The following HBZ variants were observed in gnomAD, a reference collection of about 807,000 sequenced individuals.
HBZ encodes the protein hemoglobin zeta chain.
In HBZ, 2 loss-of-function variants were observed where a neutral mutation model predicts 5.8. That is an observed-to-expected ratio of 0.34 (90% CI 0.14 to 1.09). The LOEUF (loss-of-function observed/expected upper bound fraction) is 1.09. Among genes scored for constraint, HBZ ranks in the 50% least tolerant of loss-of-function variants. The pLI, the probability that HBZ is intolerant of heterozygous loss-of-function variation, is 0.42. For synonymous variants in HBZ, 39 were observed against 47.4 expected (o/e 0.82, Z 0.73); for missense variants, 47 against 97.8 (o/e 0.48, Z 2.19).
At chr16:153,304 C>G (rs1195409523) in intron 1 of HBZ, among the ~76,000 whole-genome samples, 1 of 150,254 alleles carries the variant, frequency 6.7e-6, no homozygotes, top group Non-Finnish European at 1.5e-5. Context: ...TCTGGGCTCG[C>G]TGAGACCTGG....
Position 154,338 on chromosome 16 carries a change from C to T in HBZ, c.367C>T (p.His123Tyr). ...CCCCGCCGACTTCACGGCCGAGGCC[C>T]ACGCCGCCTGGGACAAGTTCCTATC... ...RFPADFTAEA[H>Y]AAWDKFLSVV... Residue 123 changes from histidine to tyrosine, a missense_variant, in exon 3 of 3, where the codon CAC (histidine) becomes TAC (tyrosine). Coordinates refer to ENST00000252951, the MANE Select transcript of HBZ (RefSeq NM_005332.3). 8.4e-6 allele frequency: 13 copies of T among 1,540,400 alleles called. No individual in the cohort carries two copies. Among genetic ancestry groups the T allele is most frequent in the Non-Finnish European group, 1.1e-5 (13 of 1,141,322 alleles).
In HBZ at chr16:154,194, TC is replaced by T. The variant is rs1567158144; in HGVS notation, c.301-77del. The T allele has an allele frequency of 3.3e-4, 4 of 12,290 alleles. 2 individuals carry two copies. In the African/African-American group the frequency reaches 0.043, roughly 134 times the overall value. 0.8% of individuals were successfully genotyped at this position (12,290 alleles called of 1,614,324 possible). A position where few individuals can be genotyped will look rare whatever the true frequency, so the allele number is the denominator to read the frequency against. On this transcript the variant is annotated intron_variant, in intron 2 of 2. Transcript: ENST00000252951. ...CGGGGAGGGGCGGGGAGGGGCGGGG[TC>T]GCGGGGCGGATGCGGGGGTCGCCGG... is the stretch of plus-strand genomic sequence containing the variant.
chr16:153,251 G>C (rs1264989532), intron 1 of HBZ, among the ~76,000 whole-genome samples: 1 of 151,970 alleles, frequency 6.6e-6, no homozygotes, highest in African/African-American at 2.4e-5. Flanking sequence ...CTCTCAGTGA[G>C]GAGAGCAGGG....
chr16:153,150 AGT>A (rs1901648575), intron 1 of HBZ, 146 bp downstream of exon 1: 1 of 594,718 alleles, frequency 1.7e-6, no homozygotes, highest in Non-Finnish European at 3.0e-6. Context: ...GGGAGAGGAC[AGT>A]GAGGAGGGGA....
At chr16:153,077 G>GACA in intron 1 of HBZ, 73 bp downstream of exon 1, 4 of 966,052 alleles carry the variant, frequency 4.1e-6, no homozygotes, top group East Asian at 5.4e-5. Context: ...GTGGGGAGGG[G>GACA]GCGGTGGGGA....
chr16:153,142 G>T (rs1002344905), intron 1 of HBZ, 138 bp downstream of exon 1: 8 of 548,698 alleles, frequency 1.5e-5, no homozygotes, highest in South Asian at 1.2e-4. Flanking sequence ...GCACTGTGGG[G>T]AGAGGACAGT....
Position 153,019 on chromosome 16 carries a change from G to C in HBZ, c.95+15G>C, listed in dbSNP as rs1449969849. The stretch of plus-strand genomic sequence containing the variant: ...ACTCTGGAGAGGTGAGTGTCAGACG[G>C]GACTGCCAGAGGGACTGGGTGGGAG... On this transcript the variant is annotated intron_variant, in intron 1 of 2. Coordinates refer to ENST00000252951, the MANE Select transcript of HBZ (RefSeq NM_005332.3). 2.5e-6 allele frequency: 4 copies of C among 1,598,568 alleles called. No homozygotes were observed. The highest frequency in any genetic ancestry group is 2.6e-6 in the Non-Finnish European group (3 of 1,169,894).
At chr16:153,132 G>GGA (rs1567157838) in intron 1 of HBZ, 128 bp downstream of exon 1, 18 of 571,460 alleles carry the variant, frequency 3.1e-5, no homozygotes, top group East Asian at 2.5e-4. Flanking sequence ...AGTGGGGAGG[G>GGA]CACTGTGGGG....
At position 152,939 on chromosome 16, in the gene HBZ, C is replaced by T; in HGVS notation, c.30C>T (p.Ile10=). 2 of 1,612,314 alleles carry T rather than the reference C, an allele frequency of 1.2e-6. No individual in the cohort carries two copies. Among genetic ancestry groups the T allele is most frequent in the Non-Finnish European group, 8.5e-7 (1 of 1,179,472 alleles). MSLTKTERT[I]IVSMWAKIST... is the part of the protein sequence containing the mutation. ...CTCTGACCAAGACTGAGAGGACCAT[C>T]ATTGTGTCCATGTGGGCCAAGATCT... Residue 10 remains isoleucine (I), a synonymous_variant, in exon 1 of 3, where the codon ATC becomes ATT. Coordinates refer to ENST00000252951, the MANE Select transcript of HBZ (RefSeq NM_005332.3).
intron 2 of HBZ, 54 bp from the exon 3 acceptor site, chr16:154,196 GCGGGGCGGATGCGGGGGTCGCC>G (rs1901672241): frequency 4.6e-5 from 1 of 21,938 alleles, no homozygotes; most frequent in African/African-American, 0.021. Context: ...GGGCGGGGTC[GCGGGGCGGATGCGGGGGTCGCC>G]GGGCGGGGCC....
intron 2 of HBZ, 49 bp downstream of exon 2, chr16:154,145 CGGGCG>C (rs1227071796): frequency 6.1e-5 from 7 of 115,044 alleles, no homozygotes; most frequent in East Asian, 4.0e-4. Flanking sequence ...GGGCGCGGTG[CGGGCG>C]GGGCGGGGCG....
rs755752888 is a variant in HBZ at position 152,685 on chromosome 16, C to T, written c.-225C>T. 6.9e-6 allele frequency: 5 copies of T among 724,578 alleles called. No homozygotes were observed. The African/African-American group carries it at 8.9e-5, about 13-fold the overall frequency. 44.9% of individuals were successfully genotyped at this position (724,578 alleles called of 1,614,324 possible). ...CCCCTGTAAGGCCACAGGAGAGGAA[C>T]AGGAGTGATAGCCCCCAAACCCCAG... On this transcript the variant is annotated 5_prime_UTR_variant, in exon 1 of 3. Coordinates refer to ENST00000252951, the MANE Select transcript of HBZ (RefSeq NM_005332.3).
In HBZ at chr16:154,460, C is replaced by T. The variant is rs1567158275; in HGVS notation, c.*60C>T. The T allele has an allele frequency of 3.5e-5, 42 of 1,203,502 alleles. No individual in the cohort carries two copies. The highest frequency in any genetic ancestry group is 4.3e-5 in the Non-Finnish European group (38 of 893,548). 74.6% of individuals were successfully genotyped at this position (1,203,502 alleles called of 1,614,324 possible). A position where few individuals can be genotyped will look rare whatever the true frequency, so the allele number is the denominator to read the frequency against. On this transcript the variant is annotated 3_prime_UTR_variant, in exon 3 of 3. Transcript: ENST00000252951. The stretch of plus-strand genomic sequence containing the variant: ...CCCCTCCCCCGTCCTGGAGGTTCCC[C>T]AGCCCCACTTACCGCGTAATGCGCC...
intron 2 of HBZ, 74 bp downstream of exon 2, chr16:154,170 G>GC (rs1480309572): frequency 9.0e-5 from 3 of 33,182 alleles, no homozygotes; most frequent in Non-Finnish European, 1.1e-4. Context: ...GGGGCGGGGC[G>GC]GGGAGGGGCG....
intron 1 of HBZ, among the ~76,000 whole-genome samples, 171 bp downstream of exon 1, chr16:153,175 G>A (rs12931825): frequency 9.1e-6 from 1 of 109,934 alleles, no homozygotes; most frequent in African/African-American, 3.6e-5. Flanking sequence ...TTGGGGAGGG[G>A]ACAGTGAGGA....
At chr16:153,183 G>T (rs1412804453) in intron 1 of HBZ, among the ~76,000 whole-genome samples, 179 bp downstream of exon 1, 1 of 151,956 alleles carries the variant, frequency 6.6e-6, no homozygotes, top group Non-Finnish European at 1.5e-5. Flanking sequence ...GGGACAGTGA[G>T]GAGGGAACCG....
rs746262034 is a variant in HBZ at position 154,501 on chromosome 16, G to C, written c.*101G>C. On this transcript the variant is annotated 3_prime_UTR_variant, in exon 3 of 3. Coordinates refer to ENST00000252951, the MANE Select transcript of HBZ (RefSeq NM_005332.3). ...GTAATGCGCCAATAAACCAATGAAC[G>C]AAGCAGCGTCCACCTGGTCTCTGTT... is the stretch of plus-strand genomic sequence containing the variant. 3 of 827,792 alleles carry C rather than the reference G, an allele frequency of 3.6e-6. No homozygotes were observed. Among genetic ancestry groups the C allele is most frequent in the African/African-American group, 3.6e-5 (2 of 54,946 alleles). 51.3% of individuals were successfully genotyped at this position (827,792 alleles called of 1,614,324 possible).
At position 152,931 on chromosome 16, in the gene HBZ, A is replaced by G. The variant is rs199612791; in HGVS notation, c.22A>G (p.Arg8Gly). Residue 8 changes from arginine (R) to glycine (G), a missense_variant, in exon 1 of 3, where the codon AGG (arginine) becomes GGG (glycine). Physicochemically the swap from Arg to Gly is moderately radical, Grantham distance 125. Transcript: ENST00000252951. The part of the protein sequence containing the change: MSLTKTE[R>G]TIIVSMWAKI... ...CGCCATGTCTCTGACCAAGACTGAG[A>G]GGACCATCATTGTGTCCATGTGGGC... 1.1e-3 allele frequency: 1,723 copies of G among 1,603,444 alleles called. 19 individuals carry two copies. Among genetic ancestry groups the G allele is most frequent in the Admixed American group, 1.4e-3 (84 of 59,774 alleles).
chr16:154,491 A>C lies in HBZ; in HGVS notation c.*91A>C, dbSNP rs1596559606. On this transcript the variant is annotated 3_prime_UTR_variant, in exon 3 of 3. Coordinates refer to ENST00000252951, the MANE Select transcript of HBZ (RefSeq NM_005332.3). ...CACTTACCGCGTAATGCGCCAATAA[A>C]CCAATGAACGAAGCAGCGTCCACCT... 3.4e-6 allele frequency: 3 copies of C among 878,700 alleles called. No individual in the cohort carries two copies. The highest frequency in any genetic ancestry group is 3.7e-5 in the East Asian group (1 of 26,882). 54.4% of individuals were successfully genotyped at this position (878,700 alleles called of 1,614,324 possible).
Sources: gnomAD v4.1 joint callset for allele counts (sites outside exome capture counted in the v4.1 genomes callset) on GRCh38, gnomAD v4.1.1 for gene constraint, MANE v1.5 for transcripts, NCBI Gene and HGNC (gene_info 2026-07-23, HGNC 2026-07-21) for gene names.